The following FANCB variants were observed in gnomAD, a reference collection of about 807,000 sequenced individuals.
FANCB encodes Fanconi anemia group B protein.
Under a neutral mutation model 38.9 loss-of-function variants are expected in FANCB, and 5 were observed. The observed-to-expected ratio is 0.13, with a 90% CI of 0.07 to 0.27. The LOEUF (loss-of-function observed/expected upper bound fraction) is 0.27. Among genes scored for constraint, FANCB ranks in the 10% least tolerant of loss-of-function variants. The pLI is 1.00. For synonymous variants in FANCB, 236 were observed against 215.4 expected, an observed-to-expected ratio of 1.10 and a Z score of -0.84; for missense variants, 573 against 602.7, an observed-to-expected ratio of 0.95 and a Z score of 0.52.
the FANCB span, among the ~76,000 whole-genome samples, chrX:14,772,947 G>A: frequency 6.3e-5 from 7 of 111,195 alleles, no homozygotes; most frequent in South Asian, 3.8e-4. Flanking sequence ...TGCTGCTCCC[G>A]GGTGGGTCAT....
the FANCB span, among the ~76,000 whole-genome samples, chrX:14,696,180 G>A: frequency 1.0e-5 from 1 of 98,811 alleles, no homozygotes; most frequent in Non-Finnish European, 2.0e-5. Flanking sequence ...AGAAGGGAGG[G>A]AGAGTGGGAG....
chrX:14,802,325 T>C, the FANCB span, among the ~76,000 whole-genome samples: 1 of 111,694 alleles, frequency 9.0e-6, no homozygotes, highest in African/African-American at 3.3e-5. Flanking sequence ...TGGCATCATA[T>C]GATGCAGCTG....
In FANCB at chrX:14,864,365, G is replaced by T. The variant is rs138125771; in HGVS notation, c.951+195C>A. On this transcript the variant is annotated intron_variant, in intron 3 of 9. Coordinates refer to ENST00000650831, the MANE Select transcript of FANCB (RefSeq NM_001018113.3). The stretch of plus-strand genomic sequence containing the variant: ...CTCAAAGGCTTTATGACTCAAAATG[G>T]CAAGACAAAAAAAACACCATCAGGT... 5.1e-3 allele frequency among the ~76,000 whole-genome samples: 566 copies of T among 109,904 alleles called. 6 individuals carry two copies. The highest frequency in any genetic ancestry group is 0.018 in the African/African-American group (533 of 30,239).
chrX:14,863,778 C>G (rs2092456412), intron 3 of FANCB, among the ~76,000 whole-genome samples: 2 of 110,602 alleles, frequency 1.8e-5, no homozygotes, highest in Admixed American at 1.9e-4. Context: ...AGGAATTTCT[C>G]TATATTTCAC....
At chrX:14,762,448 G>A in the FANCB span, among the ~76,000 whole-genome samples, 1 of 111,393 alleles carries the variant, frequency 9.0e-6, no homozygotes, top group African/African-American at 3.3e-5. Flanking sequence ...TACCCGGCCA[G>A]GCCCCAACTC....
chrX:14,853,023 A>C lies in FANCB; in HGVS notation c.1326+16T>G, dbSNP rs747443650. 1 of 1,186,083 alleles carries C rather than the reference A, an allele frequency of 8.4e-7. No individual in the cohort carries two copies. ...CAATTCATAAAATGATAAAATGGTC[A>C]CATGATTACTTTTACCTCCTCTGCA... is the stretch of plus-strand genomic sequence containing the variant. On this transcript the variant is annotated intron_variant, in intron 6 of 9. Transcript: ENST00000650831.
In FANCB at chrX:14,848,774, T is replaced by C. The variant is rs2092388084; in HGVS notation, c.1496+1731A>G. On this transcript the variant is annotated intron_variant, in intron 7 of 9. Coordinates refer to ENST00000650831, the MANE Select transcript of FANCB (RefSeq NM_001018113.3). ...AATGTTATGTTAAAGAATTACTTCA[T>C]CCCCACGTGACCATCTCACCTCATA... Among the ~76,000 whole-genome samples the C allele has an allele frequency of 2.7e-5, 3 of 111,439 alleles. No homozygotes were observed. The South Asian group carries it at 1.1e-3, about 42-fold the overall frequency.
intron 2 of FANCB, among the ~76,000 whole-genome samples, chrX:14,867,279 A>G (rs927770809): frequency 8.9e-6 from 1 of 111,894 alleles, no homozygotes; most frequent in Non-Finnish European, 1.9e-5. Flanking sequence ...AGCCAAAGCA[A>G]TACTGAGCAA....
chrX:14,703,436 G>A, the FANCB span, among the ~76,000 whole-genome samples: 88 of 111,697 alleles, frequency 7.9e-4, no homozygotes, highest in African/African-American at 2.5e-3. Flanking sequence ...GTTGAGAAAG[G>A]TTCTCCATTT....
chrX:14,832,580 C>T (rs146160646), downstream of FANCB, among the ~76,000 whole-genome samples: 3 of 112,160 alleles, frequency 2.7e-5, no homozygotes, highest in Middle Eastern at 4.2e-3. Flanking sequence ...TCTATCTTCA[C>T]GCCTAAGCCA....
the FANCB span, among the ~76,000 whole-genome samples, chrX:14,700,890 A>C: frequency 9.1e-6 from 1 of 109,769 alleles, no homozygotes; most frequent in African/African-American, 3.3e-5. Flanking sequence ...TATTACTTAC[A>C]GGAGTTTTGA....
chrX:14,856,773 T>C (rs1372686349), intron 5 of FANCB, among the ~76,000 whole-genome samples: 1 of 111,589 alleles, frequency 9.0e-6, no homozygotes, highest in Non-Finnish European at 1.9e-5. Context: ...CTCTTTAGCA[T>C]AATTTTTAAA....
At chrX:14,739,243 TCAA>T in the FANCB span, among the ~76,000 whole-genome samples, 1 of 111,975 alleles carries the variant, frequency 8.9e-6, no homozygotes, top group African/African-American at 3.2e-5. Context: ...TTTCAAAATA[TCAA>T]CATGTTTAAT....
At chrX:14,872,510 G>A (rs1325439342) in intron 1 of FANCB, among the ~76,000 whole-genome samples, 1 of 110,471 alleles carries the variant, frequency 9.1e-6, no homozygotes, top group African/African-American at 3.3e-5. Flanking sequence ...ACTGGAGGAT[G>A]TTTGGCAGCT....
At chrX:14,804,938 A>G in the FANCB span, among the ~76,000 whole-genome samples, 1 of 112,344 alleles carries the variant, frequency 8.9e-6, no homozygotes, top group South Asian at 3.7e-4. Flanking sequence ...CTACCACTTA[A>G]CAGAACTAAG....
At chrX:14,733,004 G>A in the FANCB span, among the ~76,000 whole-genome samples, 32 of 111,944 alleles carry the variant, frequency 2.9e-4, no homozygotes, top group Non-Finnish European at 3.8e-5. Context: ...GGGCTTTTAT[G>A]GTTTTAGGTC....
intron 7 of FANCB, among the ~76,000 whole-genome samples, chrX:14,847,909 A>G (rs921983007): frequency 2.1e-4 from 24 of 112,174 alleles, no homozygotes; most frequent in Non-Finnish European, 3.9e-4. Context: ...CTAACAACAC[A>G]GTGATAAATA....
the FANCB span, among the ~76,000 whole-genome samples, chrX:14,713,620 C>A: frequency 2.7e-5 from 3 of 111,403 alleles, no homozygotes; most frequent in African/African-American, 9.8e-5. Context: ...GAGGTATGAT[C>A]CAAAGAAGAG....
At chrX:14,852,180 T>C (rs2092404096) in intron 6 of FANCB, among the ~76,000 whole-genome samples, 2 of 109,694 alleles carry the variant, frequency 1.8e-5, no homozygotes, top group Non-Finnish European at 3.8e-5. Flanking sequence ...CTTTTTTTTT[T>C]TTTTTGAGAC....
Sources: allele counts gnomAD v4.1 joint callset (sites outside exome capture counted in the v4.1 genomes callset), GRCh38; gene constraint gnomAD v4.1.1; transcripts MANE v1.5; gene names NCBI Gene and HGNC (gene_info 2026-07-23, HGNC 2026-07-21).